The following CCDC146 variants were observed in gnomAD, a reference collection of about 807,000 sequenced individuals.
CCDC146 encodes the protein coiled-coil domain-containing protein 146.
In CCDC146, 92 loss-of-function variants were observed where a neutral mutation model predicts 119.3. That is an observed-to-expected ratio of 0.77 (90% CI 0.65 to 0.92). CCDC146 has a LOEUF of 0.92. Among genes scored for constraint, CCDC146 ranks in the 40% least tolerant of loss-of-function variants. The pLI is 0.00. For missense variants in CCDC146, 1,000 were observed against 1,103.0 expected (o/e 0.91, Z 1.32); for synonymous variants, 372 against 371.8 (o/e 1.00, Z -0.01).
intron 2 of CCDC146, among the ~76,000 whole-genome samples, chr7:77,212,906 A>C (rs1473264846): frequency 6.7e-6 from 1 of 149,712 alleles, no homozygotes; most frequent in African/African-American, 2.5e-5. Context: ...TTCCATTATA[A>C]TCATAGAGCC....
chr7:77,213,825 T>C (rs1792249340), intron 2 of CCDC146, among the ~76,000 whole-genome samples: 1 of 152,246 alleles, frequency 6.6e-6, no homozygotes, highest in Admixed American at 6.5e-5. Context: ...GACTGCATAG[T>C]ATTCCATGGT....
chr7:77,230,383 C>T (rs892051021), intron 2 of CCDC146, among the ~76,000 whole-genome samples: 1 of 152,066 alleles, frequency 6.6e-6, no homozygotes, highest in African/African-American at 2.4e-5. Context: ...TCTTATAAGG[C>T]AGGTGTGCCA....
chr7:77,129,757 C>G (rs1790755300), intron 1 of CCDC146, among the ~76,000 whole-genome samples: 1 of 152,056 alleles, frequency 6.6e-6, no homozygotes, highest in Non-Finnish European at 1.5e-5. Flanking sequence ...AATTTGGTTT[C>G]CTAAAAATTT....
intron 1 of CCDC146, among the ~76,000 whole-genome samples, chr7:77,165,886 A>G (rs1791331453): frequency 6.6e-6 from 1 of 152,248 alleles, no homozygotes; most frequent in Non-Finnish European, 1.5e-5. Flanking sequence ...TAAAATCTCC[A>G]GTTTTGAAAA....
intron 2 of CCDC146, among the ~76,000 whole-genome samples, chr7:77,218,706 C>A (rs971928503): frequency 8.6e-5 from 13 of 151,734 alleles, no homozygotes; most frequent in Admixed American, 4.6e-4. Context: ...TCAAGTGATC[C>A]TCCTATGTCA....
rs909895039 is a variant in CCDC146, at chr7:77,284,988, T to G, written c.2149-1810T>G. Among the ~76,000 whole-genome samples the G allele has an allele frequency of 5.9e-5, 9 of 152,274 alleles. 1 individual carries two copies. Among genetic ancestry groups the G allele is most frequent in the African/African-American group, 2.2e-4 (9 of 41,552 alleles). The stretch of plus-strand genomic sequence containing the variant: ...AGCCACAGTGTCTTGGGGTTTGTTT[T>G]TTTTTTAAGTCTTCTCCCTTTTTTG... On this transcript the variant is annotated intron_variant, in intron 15 of 18. Transcript: ENST00000285871.
At position 77,295,134 on chromosome 7, in the gene CCDC146, G is replaced by C; in HGVS notation, c.*268G>C. The C allele has an allele frequency of 3.1e-6, 1 of 326,280 alleles. No homozygotes were observed. Among genetic ancestry groups the C allele is most frequent in the Non-Finnish European group, 5.6e-6 (1 of 177,330 alleles). The allele number at this position is 326,280 out of a possible 1,614,324, so 20.2% of individuals were successfully genotyped here. On this transcript the variant is annotated 3_prime_UTR_variant, in exon 19 of 19. Transcript: ENST00000285871. ...TTTTCTTTTTCACTCTTTATATTGAGTACATTCCAGAAATTTGTAGTAGGC... is the reference window on the plus strand; with the variant it reads ...TTTTCTTTTTCACTCTTTATATTGACTACATTCCAGAAATTTGTAGTAGGC...
chr7:77,193,771 T>G (rs1017352225), intron 2 of CCDC146: 2 of 152,386 alleles, frequency 1.3e-5, no homozygotes, highest in Non-Finnish European at 1.5e-5. Flanking sequence ...TTTCAAGTAA[T>G]CATGACCTCA....
At chr7:77,254,838 T>C (rs1793147541) in intron 5 of CCDC146, among the ~76,000 whole-genome samples, 1 of 152,238 alleles carries the variant, frequency 6.6e-6, no homozygotes, top group Admixed American at 6.5e-5. Context: ...GATTCTGTGG[T>C]TGACACTAAA....
At chr7:77,201,974 C>A (rs915674013) in intron 2 of CCDC146, among the ~76,000 whole-genome samples, 1 of 151,934 alleles carries the variant, frequency 6.6e-6, no homozygotes, top group African/African-American at 2.4e-5. Flanking sequence ...GTTCCTAGTC[C>A]TTAAGGATAT....
chr7:77,265,268 G>T (rs7804769), intron 9 of CCDC146, among the ~76,000 whole-genome samples: 14,063 of 152,142 alleles, frequency 0.092, 1,187 homozygotes, highest in East Asian at 0.42. Context: ...AGCAAGTGTT[G>T]CTTGTACTAA....
intron 2 of CCDC146, among the ~76,000 whole-genome samples, chr7:77,230,780 T>C (rs76062783): frequency 0.02 from 3,054 of 152,296 alleles, 109 homozygotes; most frequent in East Asian, 0.15. Context: ...AAGTTTTTTA[T>C]TTCTTTAAGT....
chr7:77,174,866 T>C, intron 2 of CCDC146, among the ~76,000 whole-genome samples: 1 of 152,232 alleles, frequency 6.6e-6, no homozygotes, highest in Non-Finnish European at 1.5e-5. Context: ...TGAACTTATC[T>C]TGGGTATATA....
chr7:77,141,636 T>C (rs899702087), intron 1 of CCDC146, among the ~76,000 whole-genome samples: 3 of 152,228 alleles, frequency 2.0e-5, no homozygotes, highest in African/African-American at 7.2e-5. Context: ...TGGCATCTCG[T>C]TGTGGTTTTG....
chr7:77,209,233 G>A (rs968358327), intron 2 of CCDC146, among the ~76,000 whole-genome samples: 4 of 152,182 alleles, frequency 2.6e-5, no homozygotes, highest in African/African-American at 9.7e-5. Context: ...GAGCACAGGC[G>A]TTGAGTAAAT....
At position 77,260,073 on chromosome 7, in the gene CCDC146, A is replaced by C; in HGVS notation, c.823A>C (p.Lys275Gln). ...CAAAACGCTAAATGACTCCCTAAAGAAAGTTGAAAACAAGGTTAGTGCTAT... is the reference window on the plus strand; with the variant it reads ...CAAAACGCTAAATGACTCCCTAAAGCAAGTTGAAAACAAGGTTAGTGCTAT... ...EVKTLNDSLK[K>Q]VENKVSAIVD... Residue 275 changes from lysine to glutamine, a missense_variant, in exon 8 of 19, where the codon AAA (lysine) becomes CAA (glutamine). Physicochemically the swap from Lys to Gln is moderately conservative, Grantham distance 53 (BLOSUM62 1). Around this residue, in one of 2 missense-constraint regions of CCDC146, gnomAD observed 985 missense variants for 1,045.3 expected, o/e 0.94. Coordinates refer to ENST00000285871, the MANE Select transcript of CCDC146 (RefSeq NM_020879.3). 1.2e-6 allele frequency: 2 copies of C among 1,613,990 alleles called. No individual in the cohort carries two copies. Among genetic ancestry groups the C allele is most frequent in the Non-Finnish European group, 1.7e-6 (2 of 1,180,016 alleles).
intron 2 of CCDC146, among the ~76,000 whole-genome samples, chr7:77,226,190 T>A (rs1417553445): frequency 2.0e-5 from 3 of 150,708 alleles, no homozygotes; most frequent in Non-Finnish European, 3.0e-5. Flanking sequence ...GAAATGGCCG[T>A]ATTGTTTATT....
At position 77,196,574 on chromosome 7, in the gene CCDC146, G is replaced by T. The variant is rs764464982; in HGVS notation, c.156+28750G>T. ...GTTGTAATGTTTGTTGAAACGTAAT[G>T]CATCTCCAGCTGTGCCATTATAGTT... On this transcript the variant is annotated intron_variant, in intron 2 of 18. Transcript: ENST00000285871. The surrounding 1 kb of genome is among the most constrained non-coding windows in gnomAD (Gnocchi z 4.2). 2 of 1,614,118 alleles carry T rather than the reference G, an allele frequency of 1.2e-6. No individual in the cohort carries two copies. Among genetic ancestry groups the T allele is most frequent in the South Asian group, 2.2e-5 (2 of 91,084 alleles).
chr7:77,176,985 A>G (rs1791509160), intron 2 of CCDC146, among the ~76,000 whole-genome samples: 1 of 151,864 alleles, frequency 6.6e-6, no homozygotes, highest in African/African-American at 2.4e-5. Context: ...ACCGACACAT[A>G]ACACCAGGCC....
Sources: allele counts gnomAD v4.1 joint callset (sites outside exome capture counted in the v4.1 genomes callset), GRCh38; gene constraint gnomAD v4.1.1; regional missense constraint gnomAD v4.1.1; non-coding constraint Gnocchi (gnomAD v3.1); transcripts MANE v1.5; gene names NCBI Gene and HGNC (gene_info 2026-07-23, HGNC 2026-07-21).